ETV6: variants seen among roughly 807,000 people sequenced by gnomAD.
ETV6 encodes ETS variant transcription factor 6, also known as transcription factor ETV6.
A neutral mutation model predicts 51.1 loss-of-function variants in ETV6; 16 were observed. That is an observed-to-expected ratio of 0.31 (90% CI 0.21 to 0.48). ETV6 has a LOEUF of 0.48. Ranked by LOEUF, ETV6 falls within the 20% of genes least tolerant of loss-of-function variation. The pLI, the probability that ETV6 is intolerant of heterozygous loss-of-function variation, is 0.99. For missense variants in ETV6, 458 were observed against 594.8 expected (o/e 0.77, Z 2.39); for synonymous variants, 240 against 224.1 (o/e 1.07, Z -0.64).
At chr12:11,850,328 C>T (rs1192662805) in intron 3 of ETV6, among the ~76,000 whole-genome samples, 1 of 152,116 alleles carries the variant, frequency 6.6e-6, no homozygotes, top group East Asian at 1.9e-4. Flanking sequence ...GTGTCAGACC[C>T]CCAGAGGCTT....
At chr12:11,880,787 A>AAAATG (rs1947078835) in intron 5 of ETV6, among the ~76,000 whole-genome samples, 1 of 152,206 alleles carries the variant, frequency 6.6e-6, no homozygotes, top group African/African-American at 2.4e-5. Flanking sequence ...GAAATTTATT[A>AAAATG]AAATGAACAC....
At chr12:11,809,812 CTTTTTTTTTTTTTTT>C (rs927002978) in intron 2 of ETV6, among the ~76,000 whole-genome samples, 1 of 81,764 alleles carries the variant, frequency 1.2e-5, no homozygotes, top group Non-Finnish European at 2.2e-5. Flanking sequence ...AGAGCTTCTG[CTTTTTTTTTTTTTTT>C]TTTTTTTTTT....
At chr12:11,707,582 A>G (rs976050846) in intron 1 of ETV6, among the ~76,000 whole-genome samples, 2 of 152,184 alleles carry the variant, frequency 1.3e-5, no homozygotes, top group African/African-American at 4.8e-5. Context: ...TGCTTTAGCC[A>G]CTGATGATTT....
At chr12:11,771,502 A>C (rs1945240965) in intron 2 of ETV6, among the ~76,000 whole-genome samples, 1 of 152,186 alleles carries the variant, frequency 6.6e-6, no homozygotes, top group Non-Finnish European at 1.5e-5. Context: ...TCAGAATGAG[A>C]TACTTGTGTG....
At chr12:11,699,987 C>T (rs973506222) in intron 1 of ETV6, among the ~76,000 whole-genome samples, 1 of 152,120 alleles carries the variant, frequency 6.6e-6, no homozygotes, top group African/African-American at 2.4e-5. Flanking sequence ...TTTTTATAAA[C>T]CTTAGTCCAA....
At position 11,655,722 on chromosome 12, in the gene ETV6, A is replaced by G. The variant is rs1042663377; in HGVS notation, c.33+5562A>G. Among the ~76,000 whole-genome samples, 50 of 152,212 alleles carry G rather than the reference A, an allele frequency of 3.3e-4. 1 individual carries two copies. Among genetic ancestry groups the G allele is most frequent in the African/African-American group, 1.2e-3 (49 of 41,440 alleles). The stretch of plus-strand genomic sequence containing the variant: ...TTTGATAACCTTTTCTTCTTAGTAA[A>G]AATACAGAGTTCAGCCTGGTCGTTG... On this transcript the variant is annotated intron_variant, in intron 1 of 7. Coordinates refer to ENST00000396373, the MANE Select transcript of ETV6 (RefSeq NM_001987.5).
chr12:11,871,697 C>G (rs965894219), intron 5 of ETV6, among the ~76,000 whole-genome samples: 1 of 152,138 alleles, frequency 6.6e-6, no homozygotes, highest in African/African-American at 2.4e-5. Flanking sequence ...CCATTCAAAA[C>G]GATCCTGCAG....
chr12:11,774,270 A>G (rs935976689), intron 2 of ETV6, among the ~76,000 whole-genome samples: 13 of 152,212 alleles, frequency 8.5e-5, no homozygotes, highest in Admixed American at 8.5e-4. Context: ...TTCCTGGTCA[A>G]CAAACTGCCT....
intron 2 of ETV6, among the ~76,000 whole-genome samples, chr12:11,787,976 A>G (rs1040845133): frequency 6.6e-6 from 1 of 152,220 alleles, no homozygotes; most frequent in Admixed American, 6.5e-5. Context: ...GTGCCCTGGT[A>G]TTACTGGAAA....
intron 5 of ETV6, 64 bp from the exon 6 acceptor site, chr12:11,884,381 C>A: frequency 2.6e-6 from 4 of 1,565,864 alleles, no homozygotes; most frequent in Admixed American, 1.7e-5. Context: ...TTTTTTGATT[C>A]TTCTGGTTAG....
chr12:11,725,876 C>A (rs901734734), intron 1 of ETV6, among the ~76,000 whole-genome samples: 3 of 152,200 alleles, frequency 2.0e-5, no homozygotes, highest in Non-Finnish European at 4.4e-5. Flanking sequence ...GAGGTCCTCA[C>A]CAGAAGCAGA....
At chr12:11,859,373 C>T (rs367975867) in intron 4 of ETV6, among the ~76,000 whole-genome samples, 1 of 151,738 alleles carries the variant, frequency 6.6e-6, no homozygotes, top group Non-Finnish European at 1.5e-5. Context: ...GATCTCCTGA[C>T]CTCGTGATCC....
At chr12:11,879,525 A>AC (rs1274846842) in intron 5 of ETV6, among the ~76,000 whole-genome samples, 2 of 152,152 alleles carry the variant, frequency 1.3e-5, no homozygotes, top group African/African-American at 4.8e-5. Context: ...TTTCTCCTTA[A>AC]CCACAGGAAG....
chr12:11,670,369 A>G (rs947024955), intron 1 of ETV6, among the ~76,000 whole-genome samples: 7 of 152,254 alleles, frequency 4.6e-5, no homozygotes, highest in Non-Finnish European at 1.0e-4. Flanking sequence ...TTGGGTAAGA[A>G]ACTCAGTTTG....
chr12:11,850,830 A>G (rs1946542922), intron 3 of ETV6, among the ~76,000 whole-genome samples: 1 of 152,190 alleles, frequency 6.6e-6, no homozygotes, highest in Non-Finnish European at 1.5e-5. Flanking sequence ...ATGAAAACAC[A>G]GAAGGAAAAG....
chr12:11,872,288 G>C (rs1946891606), intron 5 of ETV6, among the ~76,000 whole-genome samples: 1 of 152,164 alleles, frequency 6.6e-6, no homozygotes, highest in Non-Finnish European at 1.5e-5. Flanking sequence ...CGTGGCTGCT[G>C]TCCATAGTGC....
chr12:11,892,228 T>TG lies in ETV6; in HGVS notation c.*1182_*1183insG. 2 of 229,540 alleles carry TG rather than the reference T, an allele frequency of 8.7e-6. No homozygotes were observed. The highest frequency in any genetic ancestry group is 1.7e-5 in the Non-Finnish European group (2 of 116,632). The allele number at this position is 229,540 out of a possible 1,614,324, so 14.2% of individuals were successfully genotyped here. A position where few individuals can be genotyped will look rare whatever the true frequency, so the allele number is the denominator to read the frequency against. On this transcript the variant is annotated 3_prime_UTR_variant, in exon 8 of 8. Transcript: ENST00000396373. Reference sequence around the variant, plus strand: ...TCACCTGATTTTTTTTTTTTTTTTTTTTTTTCAATTCCTAACCTTTTTTAA... The same window carrying TG: ...TCACCTGATTTTTTTTTTTTTTTTTTGTTTTTCAATTCCTAACCTTTTTTAA...
chr12:11,765,557 A>G (rs1277810248), intron 2 of ETV6, among the ~76,000 whole-genome samples: 1 of 151,834 alleles, frequency 6.6e-6, no homozygotes, highest in Non-Finnish European at 1.5e-5. Context: ...AAGAAGCTTC[A>G]TAAAATACTG....
At chr12:11,692,588 A>T (rs1864788513) in intron 1 of ETV6, among the ~76,000 whole-genome samples, 1 of 152,044 alleles carries the variant, frequency 6.6e-6, no homozygotes, top group Non-Finnish European at 1.5e-5. Context: ...TCCTTATAAG[A>T]TCAGTCTTTT....
Sources: gnomAD v4.1 joint callset for allele counts (sites outside exome capture counted in the v4.1 genomes callset) on GRCh38, gnomAD v4.1.1 for gene constraint, MANE v1.5 for transcripts, NCBI Gene and HGNC (gene_info 2026-07-23, HGNC 2026-07-21) for gene names.